POGLUT1: variants seen among roughly 807,000 people sequenced by gnomAD.
The protein encoded by POGLUT1 is protein O-glucosyltransferase 1, also known as 9630046K23Rik.
Under a neutral mutation model 61.3 loss-of-function variants are expected in POGLUT1, and 32 were observed. The observed-to-expected ratio is 0.52, with a 90% CI of 0.39 to 0.70. POGLUT1 has a LOEUF of 0.70. Among genes scored for constraint, POGLUT1 ranks in the 30% least tolerant of loss-of-function variants. The probability of loss-of-function intolerance (pLI) is 0.00; values close to 1 mark genes in which losing one functional copy is unlikely to be tolerated. For synonymous variants in POGLUT1, 158 were observed against 158.2 expected, an observed-to-expected ratio of 1.00 and a Z score of 0.01; for missense variants, 411 against 469.8, an observed-to-expected ratio of 0.87 and a Z score of 1.16.
intron 10 of POGLUT1, among the ~76,000 whole-genome samples, chr3:119,492,057 A>AAAATAAATAAATAAAT (rs71156748): frequency 4.9e-4 from 74 of 150,502 alleles, no homozygotes; most frequent in South Asian, 1.3e-3. Flanking sequence ...TCCGTCTCAA[A>AAAATAAATAAATAAAT]AAATAAATAA....
rs573269850 is a variant in POGLUT1, at chr3:119,494,441, C to A, written c.*2003C>A. On this transcript the variant is annotated 3_prime_UTR_variant, in exon 11 of 11. Coordinates refer to ENST00000295588, the MANE Select transcript of POGLUT1 (RefSeq NM_152305.3). ...CCCTTTGAAGAGCCAATAAGGGCAT[C>A]TTTGTCTTTAAATACAGCAAATGTT... The A allele has an allele frequency of 6.5e-6, 1 of 152,754 alleles. No homozygotes were observed. Among genetic ancestry groups the A allele is most frequent in the South Asian group, 2.1e-4 (1 of 4,824 alleles). The allele number at this position is 152,754 out of a possible 1,614,324, so 9.5% of individuals were successfully genotyped here.
At chr3:119,486,692 T>TC in intron 6 of POGLUT1, 141 bp from the exon 7 acceptor site, 1 of 708,246 alleles carries the variant, frequency 1.4e-6, no homozygotes, top group Non-Finnish European at 2.6e-6. Flanking sequence ...AGTATACCCC[T>TC]CCTCCGCTGT....
chr3:119,473,170 T>C (rs941868846), intron 3 of POGLUT1, among the ~76,000 whole-genome samples: 1 of 152,246 alleles, frequency 6.6e-6, no homozygotes, highest in Non-Finnish European at 1.5e-5. Context: ...TAAGGTATTT[T>C]AAACAGACAT....
chr3:119,487,117 C>T lies in POGLUT1; in HGVS notation c.738+185C>T, dbSNP rs191343774. 8.4e-6 allele frequency: 5 copies of T among 593,694 alleles called. No homozygotes were observed. In the East Asian group the frequency reaches 1.4e-4, roughly 17 times the overall value. The allele number at this position is 593,694 out of a possible 1,614,324, so 36.8% of individuals were successfully genotyped here. ...TTTCAAACTTACATTGCTTTTCTGG[C>T]CATATTATGACTAGTATATTGCACT... On this transcript the variant is annotated intron_variant, in intron 7 of 10. Transcript: ENST00000295588.
At chr3:119,471,485 C>A in intron 3 of POGLUT1, 33 bp downstream of exon 3, 1 of 1,600,800 alleles carries the variant, frequency 6.2e-7, no homozygotes. Flanking sequence ...TATCTTCTGA[C>A]TTTATTACAT....
intron 9 of POGLUT1, 141 bp from the exon 10 acceptor site, chr3:119,491,377 C>A (rs1261849058): frequency 1.6e-5 from 7 of 442,682 alleles, no homozygotes; most frequent in Admixed American, 1.3e-4. Context: ...CTTGAGAGAA[C>A]CCTGATATCT....
At chr3:119,472,850 G>A (rs2081491968) in intron 3 of POGLUT1, among the ~76,000 whole-genome samples, 1 of 152,228 alleles carries the variant, frequency 6.6e-6, no homozygotes, top group Non-Finnish European at 1.5e-5. Flanking sequence ...AGGCCACATG[G>A]CAAAACCTCA....
intron 6 of POGLUT1, among the ~76,000 whole-genome samples, chr3:119,485,819 A>G (rs33958792): frequency 0.14 from 22,030 of 152,206 alleles, 2,004 homozygotes; most frequent in Non-Finnish European, 0.2. Flanking sequence ...AGTGGTTAAG[A>G]GCACAGACTG....
chr3:119,479,394 A>G (rs963190226), intron 4 of POGLUT1, among the ~76,000 whole-genome samples: 13 of 152,250 alleles, frequency 8.5e-5, no homozygotes, highest in African/African-American at 2.9e-4. Context: ...AGTATGTACA[A>G]TGTGCCAGCT....
intron 5 of POGLUT1, among the ~76,000 whole-genome samples, chr3:119,483,524 A>AT (rs2081630565): frequency 6.6e-6 from 1 of 152,192 alleles, no homozygotes; most frequent in South Asian, 2.1e-4. Context: ...TGTGAGAATG[A>AT]TTTTTTATTT....
intron 9 of POGLUT1, among the ~76,000 whole-genome samples, chr3:119,491,169 TA>T (rs1030902312): frequency 6.1e-5 from 9 of 148,046 alleles, no homozygotes; most frequent in South Asian, 4.2e-4. Context: ...TGTGTATATA[TA>T]TTTTTTTTCT....
chr3:119,478,543 G>A (rs76897368), intron 4 of POGLUT1: 8,407 of 385,388 alleles, frequency 0.022, 339 homozygotes, highest in African/African-American at 0.089. Context: ...TATGACCGTC[G>A]GTATACTAAC....
chr3:119,490,265 C>G, intron 8 of POGLUT1: 1 of 382,364 alleles, frequency 2.6e-6, no homozygotes, highest in South Asian at 3.7e-5. Flanking sequence ...CCTGTATACA[C>G]TCTACCCGGC....
At chr3:119,470,057 A>G in intron 2 of POGLUT1, 147 bp downstream of exon 2, 1 of 624,970 alleles carries the variant, frequency 1.6e-6, no homozygotes, top group Non-Finnish European at 2.8e-6. Flanking sequence ...TCGCATGGGA[A>G]AGGCTCAGGT....
chr3:119,472,418 T>C (rs1322774622), intron 3 of POGLUT1, among the ~76,000 whole-genome samples: 2 of 152,172 alleles, frequency 1.3e-5, no homozygotes, highest in Non-Finnish European at 2.9e-5. Flanking sequence ...TATTTATTCT[T>C]ATAAGTATAT....
At chr3:119,470,901 GA>G (rs1160200176) in intron 2 of POGLUT1, among the ~76,000 whole-genome samples, 2 of 152,226 alleles carry the variant, frequency 1.3e-5, no homozygotes, top group African/African-American at 4.8e-5. Flanking sequence ...TTGTGGGGGA[GA>G]GTGTGGACCA....
At chr3:119,476,379 C>T (rs2081537928) in intron 3 of POGLUT1, among the ~76,000 whole-genome samples, 1 of 151,818 alleles carries the variant, frequency 6.6e-6, no homozygotes, top group South Asian at 2.1e-4. Context: ...TACAGTTGAG[C>T]ATCTTTTCCT....
At chr3:119,486,336 A>G (rs1370211836) in intron 6 of POGLUT1, among the ~76,000 whole-genome samples, 1 of 152,186 alleles carries the variant, frequency 6.6e-6, no homozygotes. Context: ...TACTTGGAAC[A>G]TCACTAGAAA....
At chr3:119,472,503 A>C (rs1176064104) in intron 3 of POGLUT1, among the ~76,000 whole-genome samples, 2 of 151,952 alleles carry the variant, frequency 1.3e-5, no homozygotes, top group Non-Finnish European at 2.9e-5. Flanking sequence ...GATCACTTGA[A>C]GTCGGGAGTT....
Sources: allele counts gnomAD v4.1 joint callset (sites outside exome capture counted in the v4.1 genomes callset), GRCh38; gene constraint gnomAD v4.1.1; transcripts MANE v1.5; gene names NCBI Gene and HGNC (gene_info 2026-07-23, HGNC 2026-07-21).